CELF2: variants seen among roughly 807,000 people sequenced by gnomAD.
CELF2 encodes CUG triplet repeat RNA-binding protein 2.
Under a neutral mutation model 62.6 loss-of-function variants are expected in CELF2, and 8 were observed. The ratio of observed to expected loss-of-function variants is 0.13; its 90% CI spans 0.07 to 0.23. The LOEUF is 0.23. CELF2 is among the 10% of genes least tolerant of loss of function. CELF2 has a pLI of 1.00. For synonymous variants in CELF2, 258 were observed against 250.0 expected (o/e 1.03, Z -0.30); for missense variants, 333 against 671.0 (o/e 0.50, Z 5.56).
chr10:11,031,302 A>T (rs1036517282), intron 1 of CELF2, among the ~76,000 whole-genome samples: 3 of 152,158 alleles, frequency 2.0e-5, no homozygotes, highest in Non-Finnish European at 4.4e-5. Flanking sequence ...GCAGGATATC[A>T]GTGGAGTTTC....
chr10:10,998,121 T>A (rs1376402527), intron 2 of CELF2, among the ~76,000 whole-genome samples: 1 of 152,220 alleles, frequency 6.6e-6, no homozygotes, highest in Non-Finnish European at 1.5e-5. Context: ...TCCTCAGCCA[T>A]GTGAAACTGT....
At chr10:10,673,698 G>C in the CELF2 span, among the ~76,000 whole-genome samples, 1 of 152,070 alleles carries the variant, frequency 6.6e-6, no homozygotes, top group Admixed American at 6.5e-5. Flanking sequence ...TCAAAGCACT[G>C]ATTTCGCTGC....
chr10:10,836,935 T>C (rs558680800), intron 1 of CELF2, among the ~76,000 whole-genome samples: 46 of 152,212 alleles, frequency 3.0e-4, no homozygotes, highest in Non-Finnish European at 5.7e-4. Context: ...ACACCTGGCC[T>C]GTAGCCTCAT....
Position 11,107,240 on chromosome 10 carries a change from TG to T in CELF2, c.75-58240del, listed in dbSNP as rs1191547429. Among the ~76,000 whole-genome samples, 9 of 152,170 alleles carry T rather than the reference TG, an allele frequency of 5.9e-5. No individual in the cohort carries two copies. In the East Asian group the frequency reaches 1.2e-3, roughly 20 times the overall value. On this transcript the variant is annotated intron_variant, in intron 1 of 12. Coordinates refer to ENST00000633077, the MANE Select transcript of CELF2 (RefSeq NM_001326342.2). ...GCAGTGCTGGTTTTGGGAAGGGGGC[TG>T]GGGGGCTGTGGCAAACCAGCAGCAC... is the stretch of plus-strand genomic sequence containing the variant.
intron 1 of CELF2, among the ~76,000 whole-genome samples, chr10:11,050,290 G>C (rs1212757238): frequency 6.6e-6 from 1 of 152,204 alleles, no homozygotes; most frequent in Non-Finnish European, 1.5e-5. Context: ...CATCCTGCTT[G>C]CACTGATCTC....
chr10:11,288,575 C>G (rs1020577949), intron 9 of CELF2, 23 bp downstream of exon 9: 12 of 1,612,128 alleles, frequency 7.4e-6, no homozygotes. Flanking sequence ...GGTGCTCTTC[C>G]CTTGCAGGTG....
chr10:11,084,425 C>G (rs2074873638), intron 1 of CELF2, among the ~76,000 whole-genome samples: 1 of 152,126 alleles, frequency 6.6e-6, no homozygotes, highest in Non-Finnish European at 1.5e-5. Flanking sequence ...GTGTGCTGTA[C>G]AAAATGCTAC....
At chr10:10,636,754 C>T in the CELF2 span, among the ~76,000 whole-genome samples, 1 of 152,222 alleles carries the variant, frequency 6.6e-6, no homozygotes, top group Admixed American at 6.5e-5. Flanking sequence ...ATAAGTATTT[C>T]CACTGTCAAT....
chr10:11,079,575 G>T lies in CELF2; in HGVS notation c.74+61412G>T, dbSNP rs528316982. ...TTATAAGGGGCTTCCCCCTTCACTT[G>T]GCATTCATTCTCACTCCTGCCTCCC... On this transcript the variant is annotated intron_variant, in intron 1 of 12. Coordinates refer to ENST00000633077, the MANE Select transcript of CELF2 (RefSeq NM_001326342.2). Among the ~76,000 whole-genome samples, 3 of 152,244 alleles carry T rather than the reference G, an allele frequency of 2.0e-5. No individual in the cohort carries two copies. The South Asian group carries it at 6.2e-4, about 32-fold the overall frequency.
the CELF2 span, among the ~76,000 whole-genome samples, chr10:10,677,766 G>A: frequency 2.0e-5 from 3 of 152,190 alleles, no homozygotes; most frequent in African/African-American, 4.8e-5. Flanking sequence ...GGCTTTGGGG[G>A]AATCCTAGCT....
upstream of CELF2, among the ~76,000 whole-genome samples, chr10:10,795,688 G>T (rs2054100461): frequency 6.6e-6 from 1 of 152,140 alleles, no homozygotes; most frequent in African/African-American, 2.4e-5. Flanking sequence ...TGCAGTATGT[G>T]ATAGCATGGA....
At chr10:11,249,920 A>G (rs1284032279) in intron 4 of CELF2, among the ~76,000 whole-genome samples, 1 of 152,152 alleles carries the variant, frequency 6.6e-6, no homozygotes, top group Non-Finnish European at 1.5e-5. Flanking sequence ...AGAATCTTCT[A>G]CCATCCTAGA....
chr10:10,898,334 A>G (rs1468374807), intron 1 of CELF2, among the ~76,000 whole-genome samples: 1 of 152,242 alleles, frequency 6.6e-6, no homozygotes, highest in Non-Finnish European at 1.5e-5. Flanking sequence ...GCATAGGCCA[A>G]TACCTTGATT....
At chr10:10,618,337 C>T in the CELF2 span, among the ~76,000 whole-genome samples, 3 of 152,086 alleles carry the variant, frequency 2.0e-5, no homozygotes, top group Non-Finnish European at 4.4e-5. Flanking sequence ...TCATCTTAAT[C>T]CTCCATGCCT....
chr10:11,015,822 A>C (rs920023768), upstream of CELF2, among the ~76,000 whole-genome samples: 1 of 152,234 alleles, frequency 6.6e-6, no homozygotes, highest in African/African-American at 2.4e-5. The surrounding 1 kb of genome is among the most constrained non-coding windows in gnomAD (Gnocchi z 4.8). Flanking sequence ...TAAGTCAGTA[A>C]GAGGGCTTCC....
chr10:10,574,562 G>A, the CELF2 span, among the ~76,000 whole-genome samples: 1 of 152,186 alleles, frequency 6.6e-6, no homozygotes, highest in Non-Finnish European at 1.5e-5. Flanking sequence ...ATTTTAAAAA[G>A]TATGGGTCTT....
At chr10:10,485,162 C>T in the CELF2 span, among the ~76,000 whole-genome samples, 1 of 152,046 alleles carries the variant, frequency 6.6e-6, no homozygotes, top group African/African-American at 2.4e-5. Context: ...ATTACATTGC[C>T]TACCATTTCT....
In CELF2 at chr10:10,944,262, G is replaced by C. The variant is rs570542935; in HGVS notation, c.89+24263G>C. 8 of 152,774 alleles carry C rather than the reference G, an allele frequency of 5.2e-5. 1 individual carries two copies. The highest frequency in any genetic ancestry group is 1.7e-4 in the African/African-American group (7 of 41,570). The allele number at this position is 152,774 out of a possible 1,614,324, so 9.5% of individuals were successfully genotyped here. On this transcript the variant is annotated intron_variant, in intron 2 of 13. Coordinates refer to the CELF2 transcript ENST00000636488. ...GTATTTGATACCATTGAGCACCTCT[G>C]TCTTGAAACACTTTTCTCCTTGGCT...
chr10:10,487,795 A>T, the CELF2 span, among the ~76,000 whole-genome samples: 1 of 152,306 alleles, frequency 6.6e-6, no homozygotes, highest in African/African-American at 2.4e-5. Flanking sequence ...ATGAATTAGT[A>T]ATGGTGGTCT....
Sources: allele counts gnomAD v4.1 joint callset (sites outside exome capture counted in the v4.1 genomes callset), GRCh38; gene constraint gnomAD v4.1.1; non-coding constraint Gnocchi (gnomAD v3.1); transcripts MANE v1.5; gene names NCBI Gene and HGNC (gene_info 2026-07-23, HGNC 2026-07-21).